The following RASA2 variants were observed in gnomAD, a reference collection of about 807,000 sequenced individuals.
The protein encoded by RASA2 is ras GTPase-activating protein 2.
Under a neutral mutation model 118.2 loss-of-function variants are expected in RASA2, and 155 were observed. The observed-to-expected ratio is 1.31, with a 90% CI of 1.15 to 1.50. RASA2 has a LOEUF of 1.50. RASA2 is among the 40% of genes most tolerant of loss of function. The pLI is 0.00. For synonymous variants in RASA2, 353 were observed against 349.1 expected, an observed-to-expected ratio of 1.01 and a Z score of -0.12; for missense variants, 1,016 against 1,009.6, an observed-to-expected ratio of 1.01 and a Z score of -0.09.
chr3:141,494,308 C>G (rs1260799450), intron 1 of RASA2, among the ~76,000 whole-genome samples: 1 of 152,228 alleles, frequency 6.6e-6, no homozygotes, highest in Non-Finnish European at 1.5e-5. Flanking sequence ...TCTTTATACC[C>G]ACGTAGGGTG....
chr3:141,520,011 C>CT (rs559634060), intron 3 of RASA2, among the ~76,000 whole-genome samples: 25,699 of 109,728 alleles, frequency 0.23, 3,868 homozygotes, highest in Non-Finnish European at 0.3. Flanking sequence ...TTCTTTTTCT[C>CT]TTTTTTTTTT....
intron 7 of RASA2, among the ~76,000 whole-genome samples, chr3:141,557,841 G>C (rs1256609828): frequency 6.6e-6 from 1 of 152,116 alleles, no homozygotes; most frequent in Non-Finnish European, 1.5e-5. Context: ...GGAAGTAGTT[G>C]AATGCTGCCC....
intron 14 of RASA2, among the ~76,000 whole-genome samples, chr3:141,574,693 C>G (rs1408403220): frequency 6.6e-6 from 1 of 152,052 alleles, no homozygotes; most frequent in Non-Finnish European, 1.5e-5. Context: ...GCACTTATAC[C>G]AGATGCTTAT....
intron 2 of RASA2, among the ~76,000 whole-genome samples, chr3:141,515,598 T>C (rs1418973184): frequency 6.6e-6 from 1 of 152,128 alleles, no homozygotes; most frequent in East Asian, 1.9e-4. Context: ...TTTCATTAAC[T>C]TTATTGAAAG....
At chr3:141,605,833 G>A (rs73238090) in intron 19 of RASA2, among the ~76,000 whole-genome samples, 1,987 of 151,064 alleles carry the variant, frequency 0.013, 23 homozygotes, top group Middle Eastern at 0.085. Flanking sequence ...GTAGCTTACT[G>A]CCAATGATTA....
chr3:141,607,139 T>G (rs1219865750), intron 19 of RASA2, among the ~76,000 whole-genome samples: 1 of 152,158 alleles, frequency 6.6e-6, no homozygotes, highest in Non-Finnish European at 1.5e-5. Flanking sequence ...CTCTTAAATT[T>G]TGTAGCTTTT....
intron 3 of RASA2, among the ~76,000 whole-genome samples, chr3:141,520,467 C>G (rs754023667): frequency 2.6e-5 from 4 of 152,088 alleles, no homozygotes; most frequent in Non-Finnish European, 5.9e-5. Flanking sequence ...ATTCCAAAAG[C>G]TAAGGAACTT....
intron 19 of RASA2, among the ~76,000 whole-genome samples, chr3:141,597,621 C>T (rs941944062): frequency 2.0e-5 from 3 of 151,874 alleles, no homozygotes; most frequent in Non-Finnish European, 4.4e-5. Context: ...AATAGGCTCA[C>T]CTTAATAAAG....
chr3:141,580,805 A>G (rs1168362503), intron 16 of RASA2, among the ~76,000 whole-genome samples: 1 of 152,092 alleles, frequency 6.6e-6, no homozygotes, highest in Non-Finnish European at 1.5e-5. Context: ...GAAGTTTTAA[A>G]AAGAAAAAAA....
intron 13 of RASA2, among the ~76,000 whole-genome samples, chr3:141,573,595 G>T (rs2082958871): frequency 6.6e-6 from 1 of 152,266 alleles, no homozygotes; most frequent in Admixed American, 6.5e-5. Context: ...TTGTGTTAGG[G>T]TCACAAATTT....
At chr3:141,495,448 G>T (rs1024576714) in intron 1 of RASA2, among the ~76,000 whole-genome samples, 6 of 152,118 alleles carry the variant, frequency 3.9e-5, no homozygotes, top group African/African-American at 1.4e-4. Context: ...ATACGAATAG[G>T]CATCTCACAG....
chr3:141,572,029 C>CATATATATATATATAT (rs10568210), intron 11 of RASA2, among the ~76,000 whole-genome samples: 10 of 121,460 alleles, frequency 8.2e-5, no homozygotes, highest in Non-Finnish European at 1.2e-4. Flanking sequence ...TTTAAAAAAA[C>CATATATATATATATAT]ATATATATAT....
At position 141,553,932 on chromosome 3, in the gene RASA2, C is replaced by A; in HGVS notation, c.603C>A (p.Gly201=). ...CTTATGCAACAGTTTCTCTAGTGGG[C>A]CCTTCTAGGTAATATTTATTGAATT... The part of the protein sequence containing the change: ...CDPYATVSLV[G]PSRNDQKKTK... Residue 201 remains glycine (G), a synonymous_variant, in exon 6 of 24, where the codon GGC becomes GGA. Transcript: ENST00000286364. 1 of 1,610,106 alleles carries A rather than the reference C, an allele frequency of 6.2e-7. No individual in the cohort carries two copies. The highest frequency in any genetic ancestry group is 8.5e-7 in the Non-Finnish European group (1 of 1,177,834).
At chr3:141,523,691 A>G (rs914403209) in intron 3 of RASA2, among the ~76,000 whole-genome samples, 6 of 152,180 alleles carry the variant, frequency 3.9e-5, no homozygotes, top group Non-Finnish European at 7.3e-5. Flanking sequence ...CTATTTTTCT[A>G]GAGCTCAAAC....
intron 5 of RASA2, among the ~76,000 whole-genome samples, chr3:141,546,262 C>T (rs1178410216): frequency 6.6e-6 from 1 of 152,174 alleles, no homozygotes; most frequent in African/African-American, 2.4e-5. Flanking sequence ...GAGGAACCTC[C>T]AAACTGTTCT....
rs577328163 is a variant in RASA2, at chr3:141,600,390, C to T, written c.1934-7288C>T. On this transcript the variant is annotated intron_variant, in intron 19 of 23. Coordinates refer to ENST00000286364, the MANE Select transcript of RASA2 (RefSeq NM_006506.5). ...TTGTCGGAGGTGTCAGTCTTCTGCT[C>T]AATGTTCAAGATGAGCCTCCAGGCG... The T allele has an allele frequency of 3.5e-5, 17 of 484,438 alleles. No individual in the cohort carries two copies. In the Admixed American group the frequency reaches 3.8e-4, roughly 11 times the overall value. 30.0% of individuals were successfully genotyped at this position (484,438 alleles called of 1,614,324 possible).
intron 1 of RASA2, among the ~76,000 whole-genome samples, chr3:141,491,126 C>T (rs141285797): frequency 2.5e-3 from 374 of 152,334 alleles, no homozygotes; most frequent in African/African-American, 6.3e-3. Flanking sequence ...TTAGCCAGCT[C>T]ACTTATCTTG....
intron 9 of RASA2, among the ~76,000 whole-genome samples, chr3:141,562,265 C>T (rs1019875505): frequency 1.3e-5 from 2 of 148,458 alleles, no homozygotes; most frequent in African/African-American, 2.5e-5. Flanking sequence ...ACATTTTTAA[C>T]GTATCTGTTT....
intron 18 of RASA2, among the ~76,000 whole-genome samples, 165 bp downstream of exon 18, chr3:141,586,263 G>A (rs1314830151): frequency 6.6e-6 from 1 of 151,996 alleles, no homozygotes; most frequent in African/African-American, 2.4e-5. Flanking sequence ...AAACTTTATG[G>A]CAAAAAAGCA....
Sources: gnomAD v4.1 joint callset for allele counts (sites outside exome capture counted in the v4.1 genomes callset) on GRCh38, gnomAD v4.1.1 for gene constraint, MANE v1.5 for transcripts, NCBI Gene and HGNC (gene_info 2026-07-23, HGNC 2026-07-21) for gene names.